The following IRAG1 variants were observed in gnomAD, a reference collection of about 807,000 sequenced individuals.
IRAG1 encodes the protein IP3R-associated cGMP kinase substrate.
IRAG1 carries 62 observed loss-of-function variants against 106.2 expected under a neutral mutation model. The ratio of observed to expected loss-of-function variants is 0.58; its 90% confidence interval spans 0.48 to 0.72. The LOEUF (loss-of-function observed/expected upper bound fraction) is 0.72. Among genes scored for constraint, IRAG1 ranks in the 30% least tolerant of loss-of-function variants. The pLI is 0.00. For missense variants in IRAG1, 1,064 were observed against 1,140.7 expected, an observed-to-expected ratio of 0.93 and a Z score of 0.97; for synonymous variants, 462 against 443.9, an observed-to-expected ratio of 1.04 and a Z score of -0.51.
intron 1 of IRAG1, among the ~76,000 whole-genome samples, chr11:10,674,257 A>T (rs1249287350): frequency 6.6e-6 from 1 of 152,088 alleles, no homozygotes; most frequent in Non-Finnish European, 1.5e-5. Flanking sequence ...TGCAACATAC[A>T]CCCCACACCA....
At chr11:10,674,005 C>G (rs572048780) in intron 1 of IRAG1, among the ~76,000 whole-genome samples, 1 of 152,106 alleles carries the variant, frequency 6.6e-6, no homozygotes, top group Non-Finnish European at 1.5e-5. Flanking sequence ...GGAGACAAGA[C>G]TACACCCCAA....
chr11:10,576,363 C>A lies in IRAG1; in HGVS notation c.2708G>T (p.Gly903Val), dbSNP rs1564884759. The change falls in exon 21 of 21, where the codon GGA (glycine) becomes GTA (valine). Residue 903 changes from glycine to valine, a missense_variant. Transcript: ENST00000423302. The part of the protein sequence containing the change: ...AAQRDSWWSS[G>V]LQHEQPTEQ ...CTCTGTAGGCTGCTCATGCTGGAGT[C>A]CTGAGCTCCACCAGGAGTCCCTCTG... The A allele has an allele frequency of 1.2e-6, 2 of 1,613,808 alleles. No individual in the cohort carries two copies. The highest frequency in any genetic ancestry group is 2.7e-5 in the African/African-American group (2 of 74,918).
chr11:10,604,383 T>G (rs1413494240), intron 13 of IRAG1, 22 bp downstream of exon 13: 2 of 1,613,812 alleles, frequency 1.2e-6, no homozygotes, highest in African/African-American at 2.7e-5. Context: ...CAGGGATTCC[T>G]CACATCAGGC....
At chr11:10,620,988 G>A (rs1591622549) in intron 10 of IRAG1, among the ~76,000 whole-genome samples, 1 of 152,088 alleles carries the variant, frequency 6.6e-6, no homozygotes, top group African/African-American at 2.4e-5. Context: ...GTAAAAAAAA[G>A]AAGCTGTATC....
chr11:10,642,511 C>T (rs375225610), intron 2 of IRAG1, among the ~76,000 whole-genome samples: 2 of 152,144 alleles, frequency 1.3e-5, no homozygotes, highest in East Asian at 1.9e-4. Flanking sequence ...TGTAGATGGG[C>T]GCTGGCAGAC....
chr11:10,584,150 G>T (rs1399357711), intron 18 of IRAG1, among the ~76,000 whole-genome samples: 1 of 152,080 alleles, frequency 6.6e-6, no homozygotes, highest in African/African-American at 2.4e-5. Context: ...TGTCGTCATG[G>T]AGGAGTCCTC....
chr11:10,625,576 C>T (rs532971356), intron 9 of IRAG1, among the ~76,000 whole-genome samples: 1 of 152,238 alleles, frequency 6.6e-6, no homozygotes, highest in East Asian at 1.9e-4. Context: ...CCCTTGCTAG[C>T]TAATCCTAGG....
chr11:10,645,497 T>C (rs1276728461), intron 2 of IRAG1, among the ~76,000 whole-genome samples: 3 of 152,234 alleles, frequency 2.0e-5, no homozygotes, highest in Non-Finnish European at 4.4e-5. Flanking sequence ...TAGGAACCTG[T>C]GTGTTAGTTT....
At chr11:10,660,359 T>C (rs773230496) in intron 1 of IRAG1, among the ~76,000 whole-genome samples, 24 of 152,250 alleles carry the variant, frequency 1.6e-4, no homozygotes, top group Non-Finnish European at 3.5e-4. Flanking sequence ...TTTATTTCTA[T>C]TGTCTCTGCA....
intron 10 of IRAG1, among the ~76,000 whole-genome samples, chr11:10,611,079 G>A (rs994500453): frequency 3.3e-5 from 5 of 152,186 alleles, no homozygotes; most frequent in African/African-American, 9.7e-5. Flanking sequence ...AGAGACAAGA[G>A]GCTATCTAGT....
intron 11 of IRAG1, among the ~76,000 whole-genome samples, 198 bp from the exon 12 acceptor site, chr11:10,606,970 G>A (rs1447818046): frequency 6.6e-6 from 1 of 152,142 alleles, no homozygotes; most frequent in Non-Finnish European, 1.5e-5. Context: ...GACTATCTCT[G>A]TGACTTTGGA....
intron 10 of IRAG1, chr11:10,616,953 A>T: frequency 2.3e-6 from 2 of 886,160 alleles, no homozygotes; most frequent in Non-Finnish European, 2.7e-6. Context: ...ACTTGGAAAA[A>T]TTACTTTTGG....
In IRAG1 at chr11:10,579,326, G is replaced by A. The variant is rs182595293; in HGVS notation, c.2495+1129C>T. On this transcript the variant is annotated intron_variant, in intron 20 of 20. Coordinates refer to ENST00000423302, the MANE Select transcript of IRAG1 (RefSeq NM_130385.4). ...ATTACCTATTTGTTGCATGCATGTGGTTTCCAGAGTTTTCCAGCAATGAGG... is the reference window on the plus strand; with the variant it reads ...ATTACCTATTTGTTGCATGCATGTGATTTCCAGAGTTTTCCAGCAATGAGG... Among the ~76,000 whole-genome samples, 316 of 152,218 alleles carry A rather than the reference G, an allele frequency of 2.1e-3. 1 individual carries two copies. Among genetic ancestry groups the A allele is most frequent in the Middle Eastern group, 0.01 (3 of 294 alleles).
rs538645646 is a variant in IRAG1 at position 10,670,725 on chromosome 11, C to T, written c.68-18543G>A. ...TTAAATGAGGCCATTAGAATAGACC[C>T]TAATCCAATCTGACTGGTGTCCTTA... On this transcript the variant is annotated intron_variant, in intron 1 of 20. Coordinates refer to ENST00000423302, the MANE Select transcript of IRAG1 (RefSeq NM_130385.4). Among the ~76,000 whole-genome samples the T allele has an allele frequency of 3.9e-5, 6 of 152,252 alleles. No individual in the cohort carries two copies. The South Asian group carries it at 8.3e-4, about 21-fold the overall frequency.
In IRAG1 at chr11:10,633,598, G is replaced by C. The variant is rs929482579; in HGVS notation, c.329+370C>G. On this transcript the variant is annotated intron_variant, in intron 3 of 20. Coordinates refer to ENST00000423302, the MANE Select transcript of IRAG1 (RefSeq NM_130385.4). ...TGCAAATAGCTGGACAGTTATTATGGGAAACTCTCCTGCGGTGATTTATGC... is the reference window on the plus strand; with the variant it reads ...TGCAAATAGCTGGACAGTTATTATGCGAAACTCTCCTGCGGTGATTTATGC... Among the ~76,000 whole-genome samples the C allele has an allele frequency of 2.0e-5, 3 of 152,152 alleles. No homozygotes were observed. The South Asian group carries it at 6.2e-4, about 32-fold the overall frequency.
intron 10 of IRAG1, among the ~76,000 whole-genome samples, chr11:10,622,065 A>G (rs1855875131): frequency 1.3e-5 from 2 of 152,220 alleles, no homozygotes; most frequent in African/African-American, 4.8e-5. Context: ...ACTTACTGCC[A>G]CTGAACTGTA....
chr11:10,593,020 G>A (rs886429098), intron 17 of IRAG1, among the ~76,000 whole-genome samples: 9 of 152,172 alleles, frequency 5.9e-5, no homozygotes, highest in African/African-American at 1.7e-4. Context: ...TCTTATTAGT[G>A]AACATGGAGT....
At chr11:10,593,471 G>A (rs1260768357) in intron 17 of IRAG1, 21 bp downstream of exon 17, 1 of 1,594,006 alleles carries the variant, frequency 6.3e-7, no homozygotes, top group Non-Finnish European at 8.6e-7. Flanking sequence ...TGTGCTGGGA[G>A]GCAGACATCG....
chr11:10,656,888 G>C (rs1858966397), intron 1 of IRAG1, among the ~76,000 whole-genome samples: 1 of 152,082 alleles, frequency 6.6e-6, no homozygotes, highest in African/African-American at 2.4e-5. Context: ...GCCTCCCAGG[G>C]GAGGGCTGGA....
Sources: allele counts gnomAD v4.1 joint callset (sites outside exome capture counted in the v4.1 genomes callset), GRCh38; gene constraint gnomAD v4.1.1; transcripts MANE v1.5; gene names NCBI Gene and HGNC (gene_info 2026-07-23, HGNC 2026-07-21).